The following LPP variants were observed in gnomAD, a reference collection of about 807,000 sequenced individuals.
The protein encoded by LPP is LIM domain containing preferred translocation partner in lipoma.
LPP carries 38 observed loss-of-function variants against 60.4 expected under a neutral mutation model. The observed-to-expected ratio is 0.63, with a 90% CI of 0.49 to 0.83. The LOEUF is 0.83. LPP is among the 40% of genes least tolerant of loss of function. The pLI is 0.00. For synonymous variants in LPP, 328 were observed against 290.8 expected, an observed-to-expected ratio of 1.13 and a Z score of -1.30; for missense variants, 902 against 783.6, an observed-to-expected ratio of 1.15 and a Z score of -1.80.
chr3:188,319,627 G>A (rs1409462040), intron 2 of LPP, among the ~76,000 whole-genome samples: 1 of 152,150 alleles, frequency 6.6e-6, no homozygotes, highest in African/African-American at 2.4e-5. Context: ...CAGTTTAAGG[G>A]TGTTCATTCC....
chr3:188,548,511 A>G (rs1827251355), intron 6 of LPP, among the ~76,000 whole-genome samples: 1 of 152,198 alleles, frequency 6.6e-6, no homozygotes, highest in Non-Finnish European at 1.5e-5. Context: ...AGTTATCACC[A>G]TGCAGCACTT....
chr3:188,857,228 C>G (rs970708872), intron 9 of LPP, among the ~76,000 whole-genome samples: 9 of 152,182 alleles, frequency 5.9e-5, no homozygotes, highest in African/African-American at 2.2e-4. Context: ...TCAAGCTCAA[C>G]CAAACTATGT....
chr3:188,531,152 G>C (rs1167757397), intron 6 of LPP, among the ~76,000 whole-genome samples: 1 of 152,128 alleles, frequency 6.6e-6, no homozygotes, highest in Non-Finnish European at 1.5e-5. Context: ...TTAGTAATTT[G>C]TGAATCAAGT....
intron 6 of LPP, among the ~76,000 whole-genome samples, chr3:188,534,879 T>C (rs1305530126): frequency 6.6e-6 from 1 of 152,156 alleles, no homozygotes; most frequent in African/African-American, 2.4e-5. Context: ...AAATATCACA[T>C]TGGAATGTAA....
intron 9 of LPP, among the ~76,000 whole-genome samples, chr3:188,778,999 A>C (rs1738718107): frequency 6.6e-6 from 1 of 152,160 alleles, no homozygotes. Flanking sequence ...AGAGTAATTT[A>C]TGGAAAGTGC....
At chr3:188,828,240 G>T (rs1049475225) in intron 9 of LPP, among the ~76,000 whole-genome samples, 2 of 151,984 alleles carry the variant, frequency 1.3e-5, no homozygotes, top group Non-Finnish European at 2.9e-5. Flanking sequence ...AAATAAGCTG[G>T]GAGGGAAAAG....
Position 188,831,809 on chromosome 3 carries a change from A to G in LPP, c.1411-34391A>G, listed in dbSNP as rs1178564309. Among the ~76,000 whole-genome samples the G allele has an allele frequency of 2.0e-5, 3 of 152,234 alleles. No individual in the cohort carries two copies. The East Asian group carries it at 5.8e-4, about 29-fold the overall frequency. Reference sequence around the variant, plus strand: ...TCTCTCTCCCTACATGTACCTTAACATGTATCATAAAGATGACTGTTGCCA... The same window carrying G: ...TCTCTCTCCCTACATGTACCTTAACGTGTATCATAAAGATGACTGTTGCCA... On this transcript the variant is annotated intron_variant, in intron 9 of 11. Transcript: ENST00000617246.
intron 9 of LPP, among the ~76,000 whole-genome samples, chr3:188,788,103 C>A (rs1742517874): frequency 5.9e-5 from 9 of 152,202 alleles, no homozygotes; most frequent in Admixed American, 5.9e-4. Flanking sequence ...CCCTCTTATC[C>A]ACTTATTAAC....
chr3:188,872,842 C>T (rs1458364487), intron 11 of LPP, 79 bp downstream of exon 11: 2 of 1,576,128 alleles, frequency 1.3e-6, no homozygotes, highest in African/African-American at 1.3e-5. Context: ...ATAGATGTAG[C>T]AATTACTAAA....
intron 7 of LPP, among the ~76,000 whole-genome samples, chr3:188,702,108 C>A (rs888241765): frequency 1.3e-5 from 2 of 151,888 alleles, no homozygotes; most frequent in Non-Finnish European, 2.9e-5. Context: ...AGGCACCCGC[C>A]ACCATGCCCG....
intron 6 of LPP, among the ~76,000 whole-genome samples, chr3:188,545,294 G>A (rs1430308111): frequency 1.3e-5 from 2 of 148,672 alleles, no homozygotes; most frequent in African/African-American, 5.0e-5. Context: ...AAAATTCTTT[G>A]TAAGCTATAA....
intron 3 of LPP, among the ~76,000 whole-genome samples, chr3:188,399,775 ATGTAACGGTTGTTTGTTTTTCAGTTT>A: frequency 6.6e-6 from 1 of 152,336 alleles, no homozygotes; most frequent in Non-Finnish European, 1.5e-5. Context: ...GGATAATATG[ATGTAACGGTTGTTTGTTTTTCAGTTT>A]TGGTGATCTA....
intron 2 of LPP, among the ~76,000 whole-genome samples, chr3:188,261,419 C>T (rs1212895305): frequency 6.6e-6 from 1 of 152,152 alleles, no homozygotes; most frequent in African/African-American, 2.4e-5. Flanking sequence ...TTACAATTTA[C>T]GTAAATTACT....
At chr3:188,759,297 G>A (rs1421473184) in intron 8 of LPP, 2 of 152,218 alleles carry the variant, frequency 1.3e-5, no homozygotes, top group African/African-American at 4.8e-5. Flanking sequence ...AAGAATGCTG[G>A]AGCTTCGCAG....
intron 4 of LPP, among the ~76,000 whole-genome samples, chr3:188,484,215 C>T (rs1294998163): frequency 6.6e-6 from 1 of 152,112 alleles, no homozygotes; most frequent in Non-Finnish European, 1.5e-5. Flanking sequence ...TAAATTACAC[C>T]TTGTGTTATC....
intron 6 of LPP, among the ~76,000 whole-genome samples, chr3:188,535,516 A>G (rs980560741): frequency 1.3e-5 from 2 of 152,204 alleles, no homozygotes; most frequent in Non-Finnish European, 2.9e-5. Flanking sequence ...CTAATCTGTA[A>G]TAGATATAGA....
In LPP at chr3:188,744,028, C is replaced by T. The variant is rs912013381; in HGVS notation, c.1241-16085C>T. Among the ~76,000 whole-genome samples, 4 of 152,206 alleles carry T rather than the reference C, an allele frequency of 2.6e-5. No individual in the cohort carries two copies. The South Asian group carries it at 8.3e-4, about 32-fold the overall frequency. On this transcript the variant is annotated intron_variant, in intron 8 of 11. Coordinates refer to ENST00000617246, the MANE Select transcript of LPP (RefSeq NM_001375462.1). ...TCAGACTTGCTTTATCACACTTTCT[C>T]AATAATCTCTTTTGGTGAGTTTGAT...
At chr3:188,594,896 A>G (rs1418270864) in intron 6 of LPP, among the ~76,000 whole-genome samples, 3 of 152,176 alleles carry the variant, frequency 2.0e-5, no homozygotes, top group African/African-American at 7.2e-5. Flanking sequence ...TCTTATTCAC[A>G]TATAGGACTT....
chr3:188,637,797 T>C (rs1187131580), intron 7 of LPP, among the ~76,000 whole-genome samples: 1 of 152,142 alleles, frequency 6.6e-6, no homozygotes. Flanking sequence ...ACGTACATGC[T>C]CCCAAGACTA....
Sources: gnomAD v4.1 joint callset for allele counts (sites outside exome capture counted in the v4.1 genomes callset) on GRCh38, gnomAD v4.1.1 for gene constraint, MANE v1.5 for transcripts, NCBI Gene and HGNC (gene_info 2026-07-23, HGNC 2026-07-21) for gene names.